Variants in NEK4 observed in about 807,000 individuals in gnomAD.
NEK4 encodes serine/threonine-protein kinase Nek4.
A neutral mutation model predicts 98.4 loss-of-function variants in NEK4; 86 were observed. That is an observed-to-expected ratio of 0.87 (90% CI 0.73 to 1.05). NEK4 has a LOEUF of 1.05. Ranked by LOEUF, NEK4 falls within the 50% of genes least tolerant of loss-of-function variation. The pLI is 0.00. For synonymous variants in NEK4, 328 were observed against 342.2 expected, an observed-to-expected ratio of 0.96 and a Z score of 0.46; for missense variants, 898 against 950.3, an observed-to-expected ratio of 0.94 and a Z score of 0.72.
intron 15 of NEK4, among the ~76,000 whole-genome samples, chr3:52,728,926 G>GA (rs1484205642): frequency 6.6e-6 from 1 of 152,072 alleles, no homozygotes; most frequent in Non-Finnish European, 1.5e-5. Flanking sequence ...TTAGGGTGGG[G>GA]AAAAAACTCC....
intron 6 of NEK4, among the ~76,000 whole-genome samples, chr3:52,752,917 A>AAAAT (rs1341504051): frequency 2.4e-5 from 2 of 83,958 alleles, no homozygotes; most frequent in African/African-American, 4.2e-5. Flanking sequence ...AAAAAAAAAA[A>AAAAT]ATATATATAT....
At chr3:52,768,656 G>T in intron 1 of NEK4, 52 bp from the exon 2 acceptor site, 1 of 1,573,206 alleles carries the variant, frequency 6.4e-7, no homozygotes, top group Non-Finnish European at 8.7e-7. Flanking sequence ...TAAGATTTGT[G>T]GCCTCAGAGT....
intron 6 of NEK4, chr3:52,753,509 T>C: frequency 9.0e-6 from 4 of 443,732 alleles, no homozygotes; most frequent in South Asian, 7.1e-5. Context: ...TGAATTTCTT[T>C]GTTTGGAGTA....
At chr3:52,768,991 G>A (rs746012341) in intron 1 of NEK4, among the ~76,000 whole-genome samples, 6 of 152,094 alleles carry the variant, frequency 3.9e-5, no homozygotes, top group Non-Finnish European at 7.4e-5. Flanking sequence ...AGGGTGAGGC[G>A]GGTGGATCAC....
intron 15 of NEK4, among the ~76,000 whole-genome samples, chr3:52,717,035 G>C (rs1203138785): frequency 6.6e-6 from 1 of 152,176 alleles, no homozygotes; most frequent in Admixed American, 6.5e-5. Context: ...GTGCAGGCAA[G>C]AAGTGGGAGC....
At chr3:52,740,078 T>G (rs2097383171) in intron 13 of NEK4, among the ~76,000 whole-genome samples, 1 of 152,226 alleles carries the variant, frequency 6.6e-6, no homozygotes. Context: ...TATACTCAAG[T>G]ACAAAGCTCA....
chr3:52,767,695 A>G (rs1428154419), intron 2 of NEK4, among the ~76,000 whole-genome samples: 1 of 151,934 alleles, frequency 6.6e-6, no homozygotes, highest in Non-Finnish European at 1.5e-5. Context: ...TCCAGCCTAG[A>G]TAACAAAAAC....
chr3:52,713,584 C>T (rs1355979414), intron 15 of NEK4, among the ~76,000 whole-genome samples: 2 of 149,064 alleles, frequency 1.3e-5, no homozygotes, highest in African/African-American at 2.4e-5. Flanking sequence ...CACCTGAGGT[C>T]GGGAGTTCGA....
intron 6 of NEK4, chr3:52,754,726 C>T: frequency 2.1e-6 from 1 of 486,966 alleles, no homozygotes; most frequent in Non-Finnish European, 4.1e-6. Context: ...CATGCACTTT[C>T]CTGCTGGACT....
At chr3:52,752,955 A>ACACACACACACACACACACACACACACAC (rs1559441493) in intron 6 of NEK4, among the ~76,000 whole-genome samples, 1 of 126,054 alleles carries the variant, frequency 7.9e-6, no homozygotes, top group African/African-American at 3.4e-5. Flanking sequence ...CACACACACA[A>ACACACACACACACACACACACACACACAC]TGGAATATTT....
intron 4 of NEK4, among the ~76,000 whole-genome samples, chr3:52,765,615 C>T (rs1578707023): frequency 6.6e-6 from 1 of 152,120 alleles, no homozygotes; most frequent in African/African-American, 2.4e-5. Flanking sequence ...CTCAGGGCAT[C>T]GGCACATCCT....
At chr3:52,736,919 T>C (rs1216387178) in intron 15 of NEK4, among the ~76,000 whole-genome samples, 1 of 152,156 alleles carries the variant, frequency 6.6e-6, no homozygotes, top group South Asian at 2.1e-4. Context: ...ATAGTTCTCA[T>C]GTTTTAGGTA....
At chr3:52,765,737 C>T in intron 4 of NEK4, 150 bp downstream of exon 4, 1 of 575,878 alleles carries the variant, frequency 1.7e-6, no homozygotes, top group Non-Finnish European at 3.2e-6. Context: ...GTCTGACCTT[C>T]CCCACAGAAG....
intron 12 of NEK4, among the ~76,000 whole-genome samples, chr3:52,742,882 T>C (rs554876184): frequency 1.1e-4 from 17 of 152,302 alleles, no homozygotes; most frequent in African/African-American, 3.6e-4. Flanking sequence ...CTCAACCTCT[T>C]GGGCTCAAGT....
rs1435847671 is a variant in NEK4 at position 52,766,221 on chromosome 3, T to C, written c.515A>G (p.Tyr172Cys). 3 of 1,614,176 alleles carry C rather than the reference T, an allele frequency of 1.9e-6. No individual in the cohort carries two copies. Among genetic ancestry groups the C allele is most frequent in the South Asian group, 2.2e-5 (2 of 91,080 alleles). Residue 172 changes from tyrosine (Y) to cysteine (C), a missense_variant, in exon 3 of 16, where the codon TAC becomes TGC. Physicochemically the swap from Tyr to Cys is radical, Grantham distance 194 (BLOSUM62 -2). Transcript: ENST00000233027. Reference sequence around the variant, plus strand: ...GTTTGAGAACAATTCAGGGCTCATGTAGTAGGGTGTGCCAATGAGGGTGCT... The same window carrying C: ...GTTTGAGAACAATTCAGGGCTCATGCAGTAGGGTGTGCCAATGAGGGTGCT... ...MASTLIGTPY[Y>C]MSPELFSNKP...
rs1450911351 is a variant in NEK4, at chr3:52,710,713, GATC to G, written c.*1061_*1063del. 6.6e-6 allele frequency: 1 copy of G among 151,934 alleles called. No homozygotes were observed. Among genetic ancestry groups the G allele is most frequent in the African/African-American group, 2.4e-5 (1 of 41,346 alleles). The allele number at this position is 151,934 out of a possible 1,614,324, so 9.4% of individuals were successfully genotyped here. ...AGAAGTGGAGGTTGCAGTGAGTTGA[GATC>G]ATGCCACTGCACTCCAGCCTGACTG... On this transcript the variant is annotated 3_prime_UTR_variant, in exon 16 of 16. Transcript: ENST00000233027.
At chr3:52,770,292 T>C (rs1444736063) in intron 1 of NEK4, among the ~76,000 whole-genome samples, 3 of 151,914 alleles carry the variant, frequency 2.0e-5, no homozygotes, top group African/African-American at 7.3e-5. Context: ...GTCCTGGGAA[T>C]GCATGATACC....
At chr3:52,763,682 G>A in intron 4 of NEK4, 58 bp from the exon 5 acceptor site, 1 of 1,293,588 alleles carries the variant, frequency 7.7e-7, no homozygotes, top group Non-Finnish European at 1.1e-6. Context: ...CAAAGTAAAA[G>A]CTGGTAGAGG....
At chr3:52,732,636 G>A (rs886878957) in intron 15 of NEK4, 12 of 325,876 alleles carry the variant, frequency 3.7e-5, no homozygotes, top group Non-Finnish European at 5.0e-5. Context: ...CTCAGGAGGA[G>A]TGGAAATAAC....
Sources: gnomAD v4.1 joint callset for allele counts (sites outside exome capture counted in the v4.1 genomes callset) on GRCh38, gnomAD v4.1.1 for gene constraint, MANE v1.5 for transcripts, NCBI Gene and HGNC (gene_info 2026-07-23, HGNC 2026-07-21) for gene names.